Variants in TNRC6C observed in about 807,000 individuals in gnomAD.
TNRC6C encodes the protein trinucleotide repeat containing adaptor 6C, also known as trinucleotide repeat-containing gene 6C protein.
TNRC6C carries 20 observed loss-of-function variants against 153.7 expected under a neutral mutation model. The ratio of observed to expected loss-of-function variants is 0.13; its 90% CI spans 0.09 to 0.19. TNRC6C has a LOEUF of 0.19. TNRC6C is among the 10% of genes least tolerant of loss of function. The probability of loss-of-function intolerance (pLI) is 1.00; values close to 1 mark genes in which losing one functional copy is unlikely to be tolerated. For missense variants in TNRC6C, 1,987 were observed against 2,172.0 expected (o/e 0.91, Z 1.69); for synonymous variants, 811 against 841.4 (o/e 0.96, Z 0.63).
chr17:78,052,345 C>G (rs1214309060), intron 3 of TNRC6C, among the ~76,000 whole-genome samples: 1 of 152,082 alleles, frequency 6.6e-6, no homozygotes, highest in Non-Finnish European at 1.5e-5. Context: ...ATGTCAGGGC[C>G]CAGAGATCAC....
At chr17:78,021,822 G>A (rs543030067) in intron 1 of TNRC6C, among the ~76,000 whole-genome samples, 204 of 152,138 alleles carry the variant, frequency 1.3e-3, no homozygotes, top group Non-Finnish European at 2.7e-3. Flanking sequence ...TGCCTGCCTC[G>A]GCCTCCCAAA....
At chr17:78,071,511 G>A (rs982512031) in intron 6 of TNRC6C, among the ~76,000 whole-genome samples, 5 of 151,952 alleles carry the variant, frequency 3.3e-5, no homozygotes, top group East Asian at 3.9e-4. Context: ...TCGGCCTCCC[G>A]AGTAGAGCTG....
chr17:78,019,139 G>A (rs2071786178), intron 1 of TNRC6C, among the ~76,000 whole-genome samples: 1 of 152,144 alleles, frequency 6.6e-6, no homozygotes, highest in African/African-American at 2.4e-5. Context: ...TGAAGTGACT[G>A]AGCATGATGA....
At chr17:78,021,147 T>G (rs1168888273) in intron 1 of TNRC6C, among the ~76,000 whole-genome samples, 1 of 152,232 alleles carries the variant, frequency 6.6e-6, no homozygotes, top group Non-Finnish European at 1.5e-5. Flanking sequence ...GAGGCTGGAC[T>G]TGGAGCTCGA....
chr17:78,105,473 A>G (rs1053223462), exon 20 of TNRC6C: 1 of 152,270 alleles, frequency 6.6e-6, no homozygotes, highest in Non-Finnish European at 1.5e-5. Flanking sequence ...AAAAAAAGAC[A>G]TATCAAACAT....
chr17:78,068,837 A>T (rs1180468815), intron 5 of TNRC6C, among the ~76,000 whole-genome samples: 1 of 152,162 alleles, frequency 6.6e-6, no homozygotes, highest in African/African-American at 2.4e-5. Context: ...TCTAGAAAAC[A>T]CTGAGATACA....
chr17:78,093,995 TTTGCGATGAAGTCTCACTC>T (rs1016168578), intron 16 of TNRC6C, among the ~76,000 whole-genome samples: 2 of 151,718 alleles, frequency 1.3e-5, no homozygotes, highest in African/African-American at 2.4e-5. Context: ...TTTTTTTTTT[TTTGCGATGAAGTCTCACTC>T]TGTCGCCCAG....
chr17:77,982,983 CAG>C (rs1233991550), intron 1 of TNRC6C, among the ~76,000 whole-genome samples: 3 of 151,888 alleles, frequency 2.0e-5, no homozygotes, highest in African/African-American at 4.8e-5. Flanking sequence ...CACCTAATAA[CAG>C]AGCTTTAAAA....
chr17:77,982,558 G>A (rs189017943), intron 1 of TNRC6C, among the ~76,000 whole-genome samples: 40 of 152,290 alleles, frequency 2.6e-4, no homozygotes, highest in Non-Finnish European at 4.4e-4. Context: ...AAGGCCAGGC[G>A]CGGTGGCTCA....
At chr17:78,006,221 T>G (rs761439660) in intron 1 of TNRC6C, among the ~76,000 whole-genome samples, 2 of 152,220 alleles carry the variant, frequency 1.3e-5, no homozygotes, top group Non-Finnish European at 2.9e-5. Flanking sequence ...TCCAGGTCTC[T>G]GAACCTCTAG....
chr17:78,104,797 G>T lies in TNRC6C; in HGVS notation c.5025G>T (p.Pro1675=). The T allele has an allele frequency of 1.4e-6, 2 of 1,442,388 alleles. No homozygotes were observed. The allele number at this position is 1,442,388 out of a possible 1,614,324, so 89.3% of individuals were successfully genotyped here. A position where few individuals can be genotyped will look rare whatever the true frequency, so the allele number is the denominator to read the frequency against. Reference sequence around the variant, plus strand: ...GCAGGGTGATAGGCAGCCCCACGCCGCTAACCACCCTGCTGCCTGGGGACC... The same window carrying T: ...GCAGGGTGATAGGCAGCCCCACGCCTCTAACCACCCTGCTGCCTGGGGACC... The change falls in exon 20 of 20, where the codon CCG becomes CCT. Residue 1675 remains proline, a synonymous_variant. Transcript: ENST00000301624. This position sits in a 1 kb window ranked among gnomAD's most constrained non-coding sequence, Gnocchi z 6.2.
intron 1 of TNRC6C, among the ~76,000 whole-genome samples, chr17:77,967,049 A>G (rs1184751129): frequency 6.6e-6 from 1 of 152,178 alleles, no homozygotes; most frequent in Non-Finnish European, 1.5e-5. Context: ...ACTCCTGTAG[A>G]GTGGGGAAAC....
At chr17:77,983,455 A>G (rs1293523238) in intron 1 of TNRC6C, among the ~76,000 whole-genome samples, 2 of 152,192 alleles carry the variant, frequency 1.3e-5, no homozygotes, top group African/African-American at 2.4e-5. Context: ...GTAACTCAGG[A>G]TTCTCTAGAG....
intron 1 of TNRC6C, among the ~76,000 whole-genome samples, chr17:78,005,656 C>G (rs2071484000): frequency 6.6e-6 from 1 of 152,126 alleles, no homozygotes; most frequent in Admixed American, 6.5e-5. Context: ...CAAGCCTCTT[C>G]CTTTTATACC....
chr17:77,984,338 C>T (rs2071126301), intron 1 of TNRC6C, among the ~76,000 whole-genome samples: 1 of 147,296 alleles, frequency 6.8e-6, no homozygotes, highest in Non-Finnish European at 1.5e-5. Flanking sequence ...GGCAACATAG[C>T]AAGACCTCAT....
chr17:77,978,071 G>T (rs2071026808), intron 1 of TNRC6C, among the ~76,000 whole-genome samples: 1 of 151,548 alleles, frequency 6.6e-6, no homozygotes, highest in African/African-American at 2.4e-5. Flanking sequence ...AATTTTTTTT[G>T]TATTTTTAGT....
chr17:78,100,198 G>GA (rs1320998032), intron 17 of TNRC6C, among the ~76,000 whole-genome samples: 1 of 152,212 alleles, frequency 6.6e-6, no homozygotes, highest in Non-Finnish European at 1.5e-5. Flanking sequence ...CTGGGGTCTA[G>GA]AGGACGGTGA....
At position 78,067,943 on chromosome 17, in the gene TNRC6C, CG is replaced by C; in HGVS notation, c.2778+21del. On this transcript the variant is annotated intron_variant, in intron 5 of 19. Coordinates refer to ENST00000301624, the Ensembl canonical transcript of TNRC6C. ...CAAAAGGTAAGTACAACACTCTTAA[CG>C]ACGGTACACCCTGAAAACCAAAGGT... The C allele has an allele frequency of 6.3e-7, 1 of 1,587,364 alleles. No homozygotes were observed. Among genetic ancestry groups the C allele is most frequent in the Non-Finnish European group, 8.6e-7 (1 of 1,169,348 alleles).
At chr17:77,962,772 C>CTT (rs1345945239) in intron 1 of TNRC6C, among the ~76,000 whole-genome samples, 1 of 152,194 alleles carries the variant, frequency 6.6e-6, no homozygotes, top group Non-Finnish European at 1.5e-5. Context: ...CTCAGAGGGT[C>CTT]TTCAAATATT....
Sources: gnomAD v4.1 joint callset for allele counts (sites outside exome capture counted in the v4.1 genomes callset) on GRCh38, gnomAD v4.1.1 for gene constraint, Gnocchi (gnomAD v3.1) non-coding constraint, MANE v1.5 for transcripts, NCBI Gene and HGNC (gene_info 2026-07-23, HGNC 2026-07-21) for gene names.